WRN: variants seen among roughly 807,000 people sequenced by gnomAD.
WRN encodes bifunctional 3'-5' exonuclease/ATP-dependent helicase WRN.
A neutral mutation model predicts 180.7 loss-of-function variants in WRN; 149 were observed. The observed-to-expected ratio is 0.82, with a 90% CI of 0.72 to 0.94. WRN has a LOEUF of 0.94. Among genes scored for constraint, WRN ranks in the 40% least tolerant of loss-of-function variants. The pLI is 0.00. For missense variants in WRN, 1,661 were observed against 1,700.1 expected, an observed-to-expected ratio of 0.98 and a Z score of 0.40; for synonymous variants, 548 against 568.9, an observed-to-expected ratio of 0.96 and a Z score of 0.52.
chr8:31,123,724 A>T (rs1799589699), intron 21 of WRN, among the ~76,000 whole-genome samples: 8 of 152,074 alleles, frequency 5.3e-5, no homozygotes, highest in Admixed American at 5.2e-4. Context: ...AATATCTGAA[A>T]CCTAGTTAAC....
Position 31,101,037 on chromosome 8 carries a change from G to A in WRN, c.2088+82G>A, listed in dbSNP as rs1814206654. The stretch of plus-strand genomic sequence containing the variant: ...AGGATTGGGGAGTGGTAAAGAAGCT[G>A]AAGACTTCACTATAAAAGAGCAAAT... On this transcript the variant is annotated intron_variant, in intron 18 of 34. Transcript: ENST00000298139. The A allele has an allele frequency of 7.7e-6, 9 of 1,168,736 alleles. No individual in the cohort carries two copies. In the South Asian group the frequency reaches 1.1e-4, roughly 15 times the overall value. 72.4% of individuals were successfully genotyped at this position (1,168,736 alleles called of 1,614,324 possible).
In WRN at chr8:31,141,717, C is replaced by T. The variant is rs1319491415; in HGVS notation, c.3175C>T (p.Gln1059Ter). The T allele has an allele frequency of 1.9e-6, 3 of 1,614,046 alleles. No individual in the cohort carries two copies. The highest frequency in any genetic ancestry group is 2.2e-5 in the East Asian group (1 of 44,884). ...NWLHKANTES[Q>*]SLILQANEEL... The stretch of plus-strand genomic sequence containing the variant: ...GCTTCATAAAGCTAATACAGAATCT[C>T]AGAGCCTCATCCTTCAAGCTAATGA... Residue 1059 changes from glutamine to a stop codon, truncating the protein, a stop_gained, in exon 26 of 35, where the codon CAG becomes TAG. Transcript: ENST00000298139. LOFTEE classifies it high-confidence loss of function.
chr8:31,120,541 T>TTA, intron 21 of WRN, 117 bp downstream of exon 21: 5 of 688,768 alleles, frequency 7.3e-6, no homozygotes, highest in Non-Finnish European at 1.1e-5. Context: ...GCATTTAAAG[T>TTA]AAAAAAAAAA....
intron 34 of WRN, among the ~76,000 whole-genome samples, chr8:31,172,417 T>C (rs192060988): frequency 1.3e-5 from 2 of 152,320 alleles, no homozygotes; most frequent in Admixed American, 1.3e-4. Context: ...TTTCTCTTTT[T>C]TTCTGGGAAG....
At chr8:31,119,367 A>G (rs966268924) in intron 20 of WRN, among the ~76,000 whole-genome samples, 1 of 151,878 alleles carries the variant, frequency 6.6e-6, no homozygotes, top group Non-Finnish European at 1.5e-5. Context: ...CTTTACCACT[A>G]TATCTTGCCA....
intron 21 of WRN, among the ~76,000 whole-genome samples, chr8:31,123,317 G>C (rs1165320346): frequency 6.6e-6 from 1 of 151,926 alleles, no homozygotes; most frequent in Admixed American, 6.6e-5. Context: ...CTTTTTCATA[G>C]GTATATACAT....
chr8:31,051,637 T>A (rs1308032152), intron 1 of WRN, among the ~76,000 whole-genome samples: 1 of 152,178 alleles, frequency 6.6e-6, no homozygotes, highest in African/African-American at 2.4e-5. Context: ...TTACCAACCT[T>A]ATGGAATAGG....
intron 23 of WRN, 36 bp downstream of exon 23, chr8:31,125,036 GTCTT>G: frequency 5.7e-6 from 9 of 1,579,802 alleles, no homozygotes; most frequent in Non-Finnish European, 7.8e-6. Flanking sequence ...CATTCTAAAA[GTCTT>G]TCTTTCTCTT....
At chr8:31,150,300 CTTGACCTTTTTGTTG>C in intron 30 of WRN, 26 bp from the exon 31 acceptor site, 1 of 1,523,506 alleles carries the variant, frequency 6.6e-7, no homozygotes, top group South Asian at 1.1e-5. Context: ...TCAGTGGTTT[CTTGACCTTTTTGTTG>C]TTGTTGTTGT....
intron 23 of WRN, among the ~76,000 whole-genome samples, chr8:31,127,597 AAAAC>A (rs1269120191): frequency 4.3e-4 from 66 of 152,168 alleles, no homozygotes; most frequent in African/African-American, 1.6e-3. Context: ...AAAAAAAACA[AAAAC>A]AAAAAAAATA....
At chr8:31,152,324 C>A (rs1403443801) in intron 31 of WRN, among the ~76,000 whole-genome samples, 1 of 150,412 alleles carries the variant, frequency 6.6e-6, no homozygotes, top group Non-Finnish European at 1.5e-5. Flanking sequence ...GAGCGAGACT[C>A]CATCTCAAAA....
chr8:31,164,538 G>C (rs1803772656), intron 33 of WRN, among the ~76,000 whole-genome samples: 1 of 152,128 alleles, frequency 6.6e-6, no homozygotes, highest in Non-Finnish European at 1.5e-5. Flanking sequence ...AGTAGATTTT[G>C]TCTGGAAAAC....
intron 33 of WRN, among the ~76,000 whole-genome samples, chr8:31,162,897 A>G (rs1263471818): frequency 1.3e-5 from 2 of 152,234 alleles, no homozygotes; most frequent in Non-Finnish European, 2.9e-5. Flanking sequence ...GATGATGATG[A>G]TGATTGAAGA....
intron 1 of WRN, among the ~76,000 whole-genome samples, chr8:31,043,883 G>A (rs1407016876): frequency 1.3e-5 from 2 of 152,118 alleles, no homozygotes; most frequent in Non-Finnish European, 2.9e-5. Flanking sequence ...AGTCATTGAA[G>A]TACAGTAGAA....
At chr8:31,161,141 A>G (rs1399278408) in intron 33 of WRN, among the ~76,000 whole-genome samples, 2 of 152,046 alleles carry the variant, frequency 1.3e-5, no homozygotes, top group African/African-American at 4.8e-5. Flanking sequence ...GAATAGATAG[A>G]TCTGTATTTA....
At position 31,173,608 on chromosome 8, in the gene WRN, G is replaced by A; in HGVS notation, c.*506G>A. 5.8e-6 allele frequency: 1 copy of A among 172,930 alleles called. No homozygotes were observed. The highest frequency in any genetic ancestry group is 1.2e-5 in the Non-Finnish European group (1 of 80,352). The allele number at this position is 172,930 out of a possible 1,614,324, so 10.7% of individuals were successfully genotyped here. ...ATTAGTTGACCAGGGCAGTGAAAAT[G>A]AAACCGCATTTTGGGTGCCATTAAA... On this transcript the variant is annotated 3_prime_UTR_variant, in exon 35 of 35. Coordinates refer to ENST00000298139, the MANE Select transcript of WRN (RefSeq NM_000553.6).
At chr8:31,086,101 A>G (rs1376936717) in intron 11 of WRN, among the ~76,000 whole-genome samples, 1 of 152,138 alleles carries the variant, frequency 6.6e-6, no homozygotes, top group East Asian at 1.9e-4. Context: ...AAGATGTATA[A>G]TAAGAAAAGC....
chr8:31,052,215 T>C (rs373010838), intron 1 of WRN, among the ~76,000 whole-genome samples: 2 of 152,208 alleles, frequency 1.3e-5, no homozygotes, highest in Admixed American at 6.5e-5. Flanking sequence ...GACATACTTT[T>C]GTCCCCTGAT....
chr8:31,088,705 A>G (rs1813630562), intron 12 of WRN, among the ~76,000 whole-genome samples, 185 bp from the exon 13 acceptor site: 1 of 152,130 alleles, frequency 6.6e-6, no homozygotes, highest in Non-Finnish European at 1.5e-5. Context: ...AATACTTAAA[A>G]GTAATCCAAG....
Sources: gnomAD v4.1 joint callset for allele counts (sites outside exome capture counted in the v4.1 genomes callset) on GRCh38, gnomAD v4.1.1 for gene constraint, MANE v1.5 for transcripts, NCBI Gene and HGNC (gene_info 2026-07-23, HGNC 2026-07-21) for gene names.